FAM53B: variants seen among roughly 807,000 people sequenced by gnomAD.
FAM53B encodes family with sequence similarity 53 member B, also known as protein FAM53B.
FAM53B carries 12 observed loss-of-function variants against 32.7 expected under a neutral mutation model. That is an observed-to-expected ratio of 0.37 (90% confidence interval 0.24 to 0.59). The LOEUF is 0.59. Ranked by LOEUF, FAM53B falls within the 20% of genes least tolerant of loss-of-function variation. The pLI is 0.72. For missense variants in FAM53B, 477 were observed against 577.7 expected (o/e 0.83, Z 1.79); for synonymous variants, 234 against 228.7 (o/e 1.02, Z -0.21).
At chr10:124,684,528 A>AT (rs1554906933) in intron 3 of FAM53B, among the ~76,000 whole-genome samples, 4 of 151,734 alleles carry the variant, frequency 2.6e-5, no homozygotes, top group Non-Finnish European at 5.9e-5. Context: ...GTAAAAAAAA[A>AT]TTTTTTTTTG....
rs3832700 is a variant in FAM53B at position 124,619,655 on chromosome 10, TA to T, written c.*3586del. 0.12 allele frequency: 17,570 copies of T among 145,774 alleles called. 1,007 individuals carry two copies. Among genetic ancestry groups the T allele is most frequent in the East Asian group, 0.15 (783 of 5,068 alleles). The allele number at this position is 145,774 out of a possible 1,614,324, so 9.0% of individuals were successfully genotyped here. A position where few individuals can be genotyped will look rare whatever the true frequency, so the allele number is the denominator to read the frequency against. ...CAAGATCTCCACTTCGGTCTGCCATTAAAAAAAAAAAAAATCTTTCTCTTCT... is the reference window on the plus strand; with the variant it reads ...CAAGATCTCCACTTCGGTCTGCCATTAAAAAAAAAAAAATCTTTCTCTTCT... On this transcript the variant is annotated 3_prime_UTR_variant, in exon 5 of 5. Transcript: ENST00000337318.
intron 4 of FAM53B, among the ~76,000 whole-genome samples, chr10:124,626,263 G>A (rs1239125840): frequency 6.6e-6 from 1 of 152,228 alleles, no homozygotes; most frequent in African/African-American, 2.4e-5. Flanking sequence ...CACCCTCTCG[G>A]TCCTGCTCGG....
At chr10:124,740,696 T>C (rs1229407406) in intron 1 of FAM53B, among the ~76,000 whole-genome samples, 1 of 152,198 alleles carries the variant, frequency 6.6e-6, no homozygotes, top group East Asian at 1.9e-4. Context: ...GGAAAGTGTA[T>C]CCGTTGGACA....
intron 4 of FAM53B, among the ~76,000 whole-genome samples, chr10:124,633,434 C>T (rs1369325312): frequency 6.6e-6 from 1 of 152,072 alleles, no homozygotes; most frequent in African/African-American, 2.4e-5. Context: ...TTAAGACAGA[C>T]TAATTTTCAA....
intron 4 of FAM53B, among the ~76,000 whole-genome samples, chr10:124,676,640 G>A (rs183791320): frequency 1.3e-5 from 2 of 152,102 alleles, no homozygotes; most frequent in Non-Finnish European, 2.9e-5. Flanking sequence ...ACCTGGGGAG[G>A]ACCTGTCCAG....
chr10:124,630,356 G>C (rs1460008948), intron 4 of FAM53B, among the ~76,000 whole-genome samples: 2 of 152,268 alleles, frequency 1.3e-5, no homozygotes, highest in Non-Finnish European at 2.9e-5. Context: ...AGAGGTCGCA[G>C]TGAGCCGAGA....
intron 1 of FAM53B, among the ~76,000 whole-genome samples, chr10:124,714,816 G>C (rs1320586416): frequency 6.7e-6 from 1 of 149,972 alleles, no homozygotes; most frequent in Non-Finnish European, 1.5e-5. Context: ...TAGTGCAGAA[G>C]TAACAGGTGA....
chr10:124,678,123 G>A (rs1163199626), intron 4 of FAM53B, among the ~76,000 whole-genome samples: 2 of 152,190 alleles, frequency 1.3e-5, no homozygotes, highest in East Asian at 3.8e-4. Context: ...AGAAAAACAG[G>A]CATTCTTACA....
chr10:124,738,920 T>C (rs867902578), intron 1 of FAM53B, among the ~76,000 whole-genome samples: 97 of 152,112 alleles, frequency 6.4e-4, no homozygotes, highest in African/African-American at 2.3e-3. Context: ...AGAAGGTCAC[T>C]GGAAATGTTT....
intron 4 of FAM53B, among the ~76,000 whole-genome samples, chr10:124,632,266 C>T (rs1949396365): frequency 6.6e-6 from 1 of 152,260 alleles, no homozygotes; most frequent in African/African-American, 2.4e-5. Flanking sequence ...GGTGCTCTCA[C>T]AATTGGAAAA....
At chr10:124,627,724 C>T (rs1589729564) in intron 4 of FAM53B, among the ~76,000 whole-genome samples, 1 of 152,184 alleles carries the variant, frequency 6.6e-6, no homozygotes, top group South Asian at 2.1e-4. Context: ...TTCCATCAGA[C>T]CCCCTAGACC....
At chr10:124,648,352 C>T (rs568437102) in intron 4 of FAM53B, among the ~76,000 whole-genome samples, 2 of 152,206 alleles carry the variant, frequency 1.3e-5, no homozygotes, top group South Asian at 2.1e-4. Context: ...CTGGTGCCCA[C>T]GAGCCTGCAG....
chr10:124,710,341 C>G (rs1158687154), intron 1 of FAM53B, among the ~76,000 whole-genome samples: 1 of 152,218 alleles, frequency 6.6e-6, no homozygotes, highest in African/African-American at 2.4e-5. Flanking sequence ...CCTAGCAGCT[C>G]AATACACATT....
chr10:124,712,274 T>C (rs192368623), intron 1 of FAM53B, among the ~76,000 whole-genome samples: 2 of 152,224 alleles, frequency 1.3e-5, no homozygotes. Flanking sequence ...AGGAAACACT[T>C]GAACCTGGGA....
rs185684807 is a variant in FAM53B at position 124,735,754 on chromosome 10, C to T, written c.-175+8259G>A. The stretch of plus-strand genomic sequence containing the variant: ...CTCTAAGTGTCCTCAGGTGTGGTCT[C>T]ACTCAGGGCCCCGAACCTATGGGCT... On this transcript the variant is annotated intron_variant, in intron 1 of 4. Transcript: ENST00000337318. Among the ~76,000 whole-genome samples the T allele has an allele frequency of 3.4e-5, 5 of 147,914 alleles. No homozygotes were observed. The East Asian group carries it at 1.0e-3, about 30-fold the overall frequency.
At chr10:124,628,219 G>A (rs1949368219) in intron 4 of FAM53B, among the ~76,000 whole-genome samples, 1 of 152,140 alleles carries the variant, frequency 6.6e-6, no homozygotes, top group African/African-American at 2.4e-5. Context: ...AGTGGAGGGG[G>A]AAACAGCCCC....
In FAM53B at chr10:124,681,662, C is replaced by A. The variant is rs1410825842; in HGVS notation, c.851G>T (p.Arg284Leu). ...CCTCTGCTCTTGCACTTCTTCAGGG[C>A]GCCGCCTTTTAACACCGACCTTCTT... ...NDKKVGVKRR[R>L]PEEVQEQRPS... is the part of the protein sequence containing the mutation. The change falls in exon 4 of 5, where the codon CGC (arginine) becomes CTC (leucine). Residue 284 changes from arginine to leucine, a missense_variant. Arg to Leu is a moderately radical substitution (Grantham distance 102). Around this residue, in one of 2 missense-constraint regions of FAM53B, gnomAD observed 312 missense variants for 420.2 expected, o/e 0.74. Coordinates refer to ENST00000337318, the MANE Select transcript of FAM53B (RefSeq NM_014661.4). 1.2e-6 allele frequency: 2 copies of A among 1,612,160 alleles called. No homozygotes were observed. Among genetic ancestry groups the A allele is most frequent in the Non-Finnish European group, 1.7e-6 (2 of 1,179,226 alleles).
At chr10:124,631,305 G>C (rs1949389568) in intron 4 of FAM53B, among the ~76,000 whole-genome samples, 1 of 152,230 alleles carries the variant, frequency 6.6e-6, no homozygotes, top group South Asian at 2.1e-4. Context: ...GCCTCCGGAG[G>C]CTGAAGGAGT....
intron 3 of FAM53B, among the ~76,000 whole-genome samples, chr10:124,684,809 G>A (rs1358648534): frequency 6.6e-6 from 1 of 152,132 alleles, no homozygotes; most frequent in Non-Finnish European, 1.5e-5. Context: ...ATGAGCCACC[G>A]TGACCAGCTA....
Sources: gnomAD v4.1 joint callset for allele counts (sites outside exome capture counted in the v4.1 genomes callset) on GRCh38, gnomAD v4.1.1 for gene constraint, gnomAD v4.1.1 regional missense constraint, MANE v1.5 for transcripts, NCBI Gene and HGNC (gene_info 2026-07-23, HGNC 2026-07-21) for gene names.